The following GFRA2 variants were observed in gnomAD, a reference collection of about 807,000 sequenced individuals.
GFRA2 encodes GDNF family receptor alpha-2.
Under a neutral mutation model 48.3 loss-of-function variants are expected in GFRA2, and 17 were observed. That is an observed-to-expected ratio of 0.35 (90% CI 0.24 to 0.53). The LOEUF (loss-of-function observed/expected upper bound fraction) is 0.53, where lower values mean the gene tolerates loss of function less well. Among genes scored for constraint, GFRA2 ranks in the 20% least tolerant of loss-of-function variants. The pLI is 0.93. For synonymous variants in GFRA2, 305 were observed against 257.2 expected, an observed-to-expected ratio of 1.19 and a Z score of -1.78; for missense variants, 660 against 637.3, an observed-to-expected ratio of 1.04 and a Z score of -0.38.
At chr8:21,706,353 C>T (rs781713353) in intron 4 of GFRA2, 25 of 508,222 alleles carry the variant, frequency 4.9e-5, no homozygotes, top group South Asian at 1.7e-4. Flanking sequence ...AGGCTGGAGC[C>T]GGGTGGGTTT....
chr8:21,735,800 G>A (rs1262242561), intron 4 of GFRA2, among the ~76,000 whole-genome samples: 12 of 151,862 alleles, frequency 7.9e-5, no homozygotes, highest in African/African-American at 1.7e-4. Context: ...CTGAGTAGCC[G>A]GGACTACGGG....
At position 21,788,307 on chromosome 8, in the gene GFRA2, C is replaced by G. The variant is rs747380642; in HGVS notation, c.-148G>C. The G allele has an allele frequency of 8.0e-5, 111 of 1,384,288 alleles. No individual in the cohort carries two copies. The highest frequency in any genetic ancestry group is 1.2e-4 in the African/African-American group (8 of 66,280). The allele number at this position is 1,384,288 out of a possible 1,614,324, so 85.8% of individuals were successfully genotyped here. A position where few individuals can be genotyped will look rare whatever the true frequency, so the allele number is the denominator to read the frequency against. The stretch of plus-strand genomic sequence containing the variant: ...CAGCTAGTCCACCCGATGAAGATCC[C>G]GAGTCCTGCGATTCTCGCCTCTGGC... On this transcript the variant is annotated 5_prime_UTR_variant, in exon 1 of 9. Transcript: ENST00000524240.
chr8:21,774,929 G>A (rs1025777039), intron 3 of GFRA2, 43 bp downstream of exon 3: 3 of 1,069,906 alleles, frequency 2.8e-6, no homozygotes, highest in Non-Finnish European at 4.4e-6. Context: ...ATGCCACAGG[G>A]ACGAGAGGAG....
At chr8:21,739,931 A>T (rs912367325) in intron 4 of GFRA2, among the ~76,000 whole-genome samples, 1 of 152,200 alleles carries the variant, frequency 6.6e-6, no homozygotes, top group Admixed American at 6.5e-5. Context: ...GTCTCTTCCC[A>T]CACCTGAAGG....
rs546528940 is a variant in GFRA2, at chr8:21,714,057, CTTCCCAGCACT to C, written c.795-8027_795-8017del. On this transcript the variant is annotated intron_variant, in intron 4 of 8. Coordinates refer to ENST00000524240, the MANE Select transcript of GFRA2 (RefSeq NM_001495.5). ...ACACACAGTTACACTTGGATACATA[CTTCCCAGCACT>C]ATGCTTTGGTCTTCACCAACAGGAA... 4.7e-3 allele frequency among the ~76,000 whole-genome samples: 718 copies of C among 152,298 alleles called. 6 individuals are homozygous for C. Among genetic ancestry groups the C allele is most frequent in the African/African-American group, 0.017 (693 of 41,556 alleles).
chr8:21,801,992 C>A (rs1248280393), intron 2 of GFRA2, among the ~76,000 whole-genome samples: 2 of 152,238 alleles, frequency 1.3e-5, no homozygotes, highest in African/African-American at 4.8e-5. Context: ...CCATCCCGTC[C>A]GCTCCTCAGC....
At chr8:21,703,545 A>G (rs1466946049) in intron 6 of GFRA2, among the ~76,000 whole-genome samples, 1 of 152,022 alleles carries the variant, frequency 6.6e-6, no homozygotes, top group South Asian at 2.1e-4. Flanking sequence ...AGCCACACAC[A>G]TCTCAAACTC....
chr8:21,720,323 A>T (rs1435719534), intron 4 of GFRA2, among the ~76,000 whole-genome samples: 1 of 152,194 alleles, frequency 6.6e-6, no homozygotes, highest in Non-Finnish European at 1.5e-5. Context: ...TCTGCCAGTC[A>T]CAAAGGGTAT....
chr8:21,744,827 C>T (rs1421646876), intron 4 of GFRA2, among the ~76,000 whole-genome samples: 3 of 152,116 alleles, frequency 2.0e-5, no homozygotes, highest in African/African-American at 4.8e-5. Context: ...CCCTAAGGCT[C>T]GTGCGATATG....
chr8:21,719,470 A>G (rs1232532239), intron 4 of GFRA2, among the ~76,000 whole-genome samples: 3 of 152,166 alleles, frequency 2.0e-5, no homozygotes, highest in Admixed American at 6.5e-5. Context: ...AAACGTATGC[A>G]TCATTTGATT....
At chr8:21,792,723 G>A (rs1271556777), upstream of GFRA2, among the ~76,000 whole-genome samples, 2 of 152,168 alleles carry the variant, frequency 1.3e-5, no homozygotes, top group African/African-American at 2.4e-5. Context: ...GCACAGAGGA[G>A]GACACTCCAG....
At chr8:21,713,600 G>A (rs910900675) in intron 4 of GFRA2, among the ~76,000 whole-genome samples, 6 of 152,002 alleles carry the variant, frequency 3.9e-5, no homozygotes, top group African/African-American at 7.2e-5. Context: ...CTAGATTTGC[G>A]TGGGTACAGG....
At chr8:21,792,079 G>A (rs1807582850), upstream of GFRA2, among the ~76,000 whole-genome samples, 1 of 152,178 alleles carries the variant, frequency 6.6e-6, no homozygotes, top group Non-Finnish European at 1.5e-5. Context: ...AAATCTGCAT[G>A]GGGAGGGAAA....
intron 3 of GFRA2, among the ~76,000 whole-genome samples, chr8:21,766,880 C>T (rs1458329835): frequency 2.8e-5 from 4 of 144,016 alleles, no homozygotes; most frequent in Admixed American, 1.4e-4. Flanking sequence ...CACCCGCACA[C>T]GTACATCACC....
intron 4 of GFRA2, among the ~76,000 whole-genome samples, chr8:21,714,231 T>C (rs1010288510): frequency 1.4e-5 from 2 of 146,366 alleles, no homozygotes; most frequent in African/African-American, 5.0e-5. Context: ...GATCAATACA[T>C]ACTGGTCTGA....
At chr8:21,738,393 T>C (rs1804588624) in intron 4 of GFRA2, among the ~76,000 whole-genome samples, 1 of 151,504 alleles carries the variant, frequency 6.6e-6, no homozygotes, top group African/African-American at 2.4e-5. Context: ...CTCTGCCCTC[T>C]GCCTTGGTCC....
chr8:21,709,080 G>A (rs957079603), intron 4 of GFRA2, among the ~76,000 whole-genome samples: 1 of 152,170 alleles, frequency 6.6e-6, no homozygotes, highest in African/African-American at 2.4e-5. Flanking sequence ...CTCCTTCAGG[G>A]TGTGGGACAA....
rs368572760 is a variant in GFRA2 at position 21,768,987 on chromosome 8, C to T, written c.439+5985G>A. ...GAACATCATTCCCACATCGCACTTC[C>T]TCCTCTTCCAAGACTTCCTCAATTT... is the stretch of plus-strand genomic sequence containing the variant. On this transcript the variant is annotated intron_variant, in intron 3 of 8. Coordinates refer to ENST00000524240, the MANE Select transcript of GFRA2 (RefSeq NM_001495.5). 8.9e-3 allele frequency: 1,386 copies of T among 156,532 alleles called. 18 individuals carry two copies. The highest frequency in any genetic ancestry group is 0.031 in the African/African-American group (1,292 of 41,608). 9.7% of individuals were successfully genotyped at this position (156,532 alleles called of 1,614,324 possible). A position where few individuals can be genotyped will look rare whatever the true frequency, so the allele number is the denominator to read the frequency against.
rs1165320195 is a variant in GFRA2 at position 21,691,373 on chromosome 8, T to C, written c.*1905A>G. 6.6e-6 allele frequency: 1 copy of C among 152,226 alleles called. No homozygotes were observed. Among genetic ancestry groups the C allele is most frequent in the Non-Finnish European group, 1.5e-5 (1 of 68,062 alleles). The allele number at this position is 152,226 out of a possible 1,614,324, so 9.4% of individuals were successfully genotyped here. A position where few individuals can be genotyped will look rare whatever the true frequency, so the allele number is the denominator to read the frequency against. The stretch of plus-strand genomic sequence containing the variant: ...TGGTCCTCTCTGGGGAGAATCTCTC[T>C]TGGAGACTATGGCAGGCCTAGTGTC... On this transcript the variant is annotated 3_prime_UTR_variant, in exon 9 of 9. Coordinates refer to ENST00000524240, the MANE Select transcript of GFRA2 (RefSeq NM_001495.5).
Sources: gnomAD v4.1 joint callset for allele counts (sites outside exome capture counted in the v4.1 genomes callset) on GRCh38, gnomAD v4.1.1 for gene constraint, MANE v1.5 for transcripts, NCBI Gene and HGNC (gene_info 2026-07-23, HGNC 2026-07-21) for gene names.